The following STXBP6 variants were observed in gnomAD, a reference collection of about 807,000 sequenced individuals.
STXBP6 encodes the protein syntaxin-binding protein 6.
In STXBP6, 21 loss-of-function variants were observed where a neutral mutation model predicts 26.9. That is an observed-to-expected ratio of 0.78 (90% CI 0.55 to 1.12). The LOEUF (loss-of-function observed/expected upper bound fraction) is 1.12. Ranked by LOEUF, STXBP6 falls within the 50% of genes most tolerant of loss-of-function variation. The pLI is 0.00. For synonymous variants in STXBP6, 97 were observed against 92.6 expected, an observed-to-expected ratio of 1.05 and a Z score of -0.27; for missense variants, 232 against 257.9, an observed-to-expected ratio of 0.90 and a Z score of 0.69.
intron 2 of STXBP6, among the ~76,000 whole-genome samples, chr14:24,959,096 C>T (rs539404775): frequency 2.0e-4 from 31 of 152,314 alleles, no homozygotes; most frequent in African/African-American, 6.0e-4. Context: ...ATTACCACCA[C>T]CACTACCACT....
At chr14:25,043,188 A>T (rs1831750006) in intron 1 of STXBP6, among the ~76,000 whole-genome samples, 1 of 152,226 alleles carries the variant, frequency 6.6e-6, no homozygotes, top group African/African-American at 2.4e-5. Flanking sequence ...CATGAAAACG[A>T]TCCCACTGAC....
At chr14:24,831,886 T>C (rs2068465073) in intron 4 of STXBP6, among the ~76,000 whole-genome samples, 1 of 152,148 alleles carries the variant, frequency 6.6e-6, no homozygotes, top group Non-Finnish European at 1.5e-5. Context: ...GACAGAAAAC[T>C]GTGGTCAAAG....
chr14:24,997,718 C>A (rs1273166439), intron 1 of STXBP6, among the ~76,000 whole-genome samples: 1 of 152,090 alleles, frequency 6.6e-6, no homozygotes, highest in East Asian at 1.9e-4. Context: ...GTAAATCCAC[C>A]CTTCAGAGAT....
intron 2 of STXBP6, among the ~76,000 whole-genome samples, chr14:24,938,869 A>T (rs1445780148): frequency 6.6e-6 from 1 of 152,128 alleles, no homozygotes; most frequent in African/African-American, 2.4e-5. Flanking sequence ...ACATGTATTC[A>T]ACTTGCTCTA....
intron 4 of STXBP6, among the ~76,000 whole-genome samples, chr14:24,852,976 A>G (rs1023394058): frequency 3.3e-5 from 5 of 152,134 alleles, no homozygotes; most frequent in African/African-American, 1.2e-4. Context: ...TTCCTTCTCT[A>G]TAAAATGGAG....
rs114401820 is a variant in STXBP6, at chr14:24,900,481, G to A, written c.155-43324C>T. Among the ~76,000 whole-genome samples the A allele has an allele frequency of 6.4e-3, 969 of 152,320 alleles. 10 individuals are homozygous for A. Among genetic ancestry groups the A allele is most frequent in the African/African-American group, 0.023 (938 of 41,566 alleles). ...GTATGCTTATTTTCTAATCTATCAC[G>A]AAGTCCAAAATAAACTCCAGGCTTC... On this transcript the variant is annotated intron_variant, in intron 2 of 5. Coordinates refer to ENST00000323944, the MANE Select transcript of STXBP6 (RefSeq NM_001394410.1).
At chr14:24,885,623 T>C (rs1595044075) in intron 2 of STXBP6, among the ~76,000 whole-genome samples, 2 of 152,378 alleles carry the variant, frequency 1.3e-5, no homozygotes, top group African/African-American at 2.4e-5. Context: ...ATTGCACTTG[T>C]TAACAATCCA....
intron 1 of STXBP6, among the ~76,000 whole-genome samples, chr14:25,045,604 TC>T (rs5807276): frequency 0.12 from 17,636 of 142,134 alleles, 1,385 homozygotes; most frequent in Non-Finnish European, 0.17. Context: ...TTTTTTCTTT[TC>T]TTTTTTTTTT....
At chr14:24,912,629 G>A (rs1331158613) in intron 2 of STXBP6, among the ~76,000 whole-genome samples, 1 of 152,166 alleles carries the variant, frequency 6.6e-6, no homozygotes, top group Non-Finnish European at 1.5e-5. Flanking sequence ...AGAATAAGGT[G>A]ACCAGGAGTG....
chr14:25,048,963 T>C (rs937448939), intron 1 of STXBP6: 1 of 170,748 alleles, frequency 5.9e-6, no homozygotes, highest in East Asian at 1.9e-4. Flanking sequence ...GACCTACCGA[T>C]CCTATTCTCT....
intron 1 of STXBP6, among the ~76,000 whole-genome samples, chr14:25,007,957 C>T (rs1226249146): frequency 3.3e-5 from 5 of 152,126 alleles, no homozygotes; most frequent in African/African-American, 1.2e-4. Context: ...AAGTTTTCAC[C>T]TAACAAAAAC....
chr14:24,989,772 A>G (rs2074419434), intron 1 of STXBP6, among the ~76,000 whole-genome samples: 1 of 152,216 alleles, frequency 6.6e-6, no homozygotes, highest in Admixed American at 6.5e-5. Flanking sequence ...GTTCTACTAG[A>G]CAGAGCATAT....
At chr14:24,989,239 G>T (rs1365865180) in intron 1 of STXBP6, among the ~76,000 whole-genome samples, 1 of 152,088 alleles carries the variant, frequency 6.6e-6, no homozygotes, top group Non-Finnish European at 1.5e-5. Flanking sequence ...CTAATAACTG[G>T]CCTGTTTACT....
At chr14:24,992,750 C>T (rs1317480183) in intron 1 of STXBP6, among the ~76,000 whole-genome samples, 1 of 152,174 alleles carries the variant, frequency 6.6e-6, no homozygotes, top group Non-Finnish European at 1.5e-5. Context: ...ATGCTAGCTG[C>T]TGAGGCATAT....
At position 24,810,644 on chromosome 14, in the gene STXBP6, T is replaced by C. The variant is rs2067792876; in HGVS notation, c.*2065A>G. 6.6e-6 allele frequency: 1 copy of C among 152,196 alleles called. No individual in the cohort carries two copies. Among genetic ancestry groups the C allele is most frequent in the Non-Finnish European group, 1.5e-5 (1 of 68,032 alleles). The allele number at this position is 152,196 out of a possible 1,614,324, so 9.4% of individuals were successfully genotyped here. A position where few individuals can be genotyped will look rare whatever the true frequency, so the allele number is the denominator to read the frequency against. On this transcript the variant is annotated 3_prime_UTR_variant, in exon 6 of 6. Transcript: ENST00000323944. The stretch of plus-strand genomic sequence containing the variant: ...ATTTATCAAGAGTAACTATTGTAAT[T>C]CTACCAGGGAAGAAGAATCTTGGGT...
intron 1 of STXBP6, among the ~76,000 whole-genome samples, chr14:25,047,573 G>T (rs1160483099): frequency 1.3e-5 from 2 of 152,130 alleles, no homozygotes; most frequent in Non-Finnish European, 2.9e-5. Context: ...GCTAATTCTT[G>T]GGCCTTCACC....
At chr14:25,024,299 A>G (rs2075309775) in intron 1 of STXBP6, among the ~76,000 whole-genome samples, 1 of 151,026 alleles carries the variant, frequency 6.6e-6, no homozygotes, top group Non-Finnish European at 1.5e-5. Context: ...ACAGAGTGAG[A>G]CTCTGACTCA....
At chr14:24,819,563 G>A in intron 4 of STXBP6, 1 of 496,040 alleles carries the variant, frequency 2.0e-6, no homozygotes, top group African/African-American at 1.9e-5. Flanking sequence ...ACAGAATTAG[G>A]CAAGTTCAAT....
chr14:25,002,763 TAC>T (rs1276457016), intron 1 of STXBP6, among the ~76,000 whole-genome samples: 1 of 149,290 alleles, frequency 6.7e-6, no homozygotes, highest in Non-Finnish European at 1.5e-5. Flanking sequence ...TTTTTAAATG[TAC>T]AGATTCTTTT....
Sources: gnomAD v4.1 joint callset for allele counts (sites outside exome capture counted in the v4.1 genomes callset) on GRCh38, gnomAD v4.1.1 for gene constraint, MANE v1.5 for transcripts, NCBI Gene and HGNC (gene_info 2026-07-23, HGNC 2026-07-21) for gene names.